The following PACRG variants were observed in gnomAD, a reference collection of about 807,000 sequenced individuals.
PACRG encodes the protein parkin coregulated gene protein.
In PACRG, 29 loss-of-function variants were observed where a neutral mutation model predicts 29.7. The ratio of observed to expected loss-of-function variants is 0.98; its 90% CI spans 0.73 to 1.33. PACRG has a LOEUF of 1.33. Among genes scored for constraint, PACRG ranks in the 40% most tolerant of loss-of-function variants. The pLI is 0.00. For synonymous variants in PACRG, 116 were observed against 118.7 expected, an observed-to-expected ratio of 0.98 and a Z score of 0.15; for missense variants, 279 against 316.2, an observed-to-expected ratio of 0.88 and a Z score of 0.89.
intron 2 of PACRG, among the ~76,000 whole-genome samples, chr6:162,880,146 G>A (rs1005565594): frequency 6.6e-6 from 1 of 152,208 alleles, no homozygotes; most frequent in Non-Finnish European, 1.5e-5. Context: ...AAAGAGGAAA[G>A]GTCTGATCTT....
intron 2 of PACRG, among the ~76,000 whole-genome samples, chr6:162,845,890 A>G (rs1351898407): frequency 1.3e-5 from 2 of 152,186 alleles, no homozygotes; most frequent in Non-Finnish European, 2.9e-5. Flanking sequence ...ATATCACCTT[A>G]TGATCATTTC....
intron 1 of PACRG, among the ~76,000 whole-genome samples, chr6:162,764,425 A>T (rs542311897): frequency 1.3e-5 from 2 of 152,310 alleles, no homozygotes; most frequent in Admixed American, 6.5e-5. Context: ...AATCAACACA[A>T]ATTTAAATGA....
intron 2 of PACRG, among the ~76,000 whole-genome samples, chr6:162,851,997 G>GAAGGAAGGAAGGA (rs1790913053): frequency 1.6e-5 from 1 of 60,914 alleles, no homozygotes; most frequent in Non-Finnish European, 3.5e-5. Context: ...GGGAGGGAGG[G>GAAGGAAGGAAGGA]AGGGAGGGAG....
chr6:163,159,558 A>G (rs1018210952), intron 4 of PACRG, among the ~76,000 whole-genome samples: 2 of 151,988 alleles, frequency 1.3e-5, no homozygotes, highest in Non-Finnish European at 2.9e-5. Context: ...TGTACTCACT[A>G]ATTTTTTTCT....
Position 163,112,038 on chromosome 6 carries a change from CA to C in PACRG, c.613+22633del, listed in dbSNP as rs144731025. On this transcript the variant is annotated intron_variant, in intron 4 of 4. Transcript: ENST00000366888. ...TTGCTTTATTTAGGTGACACTGTAC[CA>C]AATTATTAAATTCATTGAGGAATTT... 10,136 of 959,084 alleles carry C rather than the reference CA, an allele frequency of 0.011. 815 individuals are homozygous for C. The African/African-American group carries it at 0.16, about 16-fold the overall frequency. 59.4% of individuals were successfully genotyped at this position (959,084 alleles called of 1,614,324 possible). A position where few individuals can be genotyped will look rare whatever the true frequency, so the allele number is the denominator to read the frequency against.
At chr6:162,822,220 C>T (rs1454100050) in intron 2 of PACRG, among the ~76,000 whole-genome samples, 1 of 152,104 alleles carries the variant, frequency 6.6e-6, no homozygotes, top group Non-Finnish European at 1.5e-5. Flanking sequence ...AAGTTTTCAG[C>T]GGTCATTACT....
chr6:162,987,109 C>G, intron 2 of PACRG, among the ~76,000 whole-genome samples: 1 of 151,964 alleles, frequency 6.6e-6, no homozygotes, highest in Non-Finnish European at 1.5e-5. Context: ...GTCATATTAC[C>G]AGAATGTCTT....
At chr6:163,209,080 G>A (rs1562317284) in intron 4 of PACRG, among the ~76,000 whole-genome samples, 1 of 152,188 alleles carries the variant, frequency 6.6e-6, no homozygotes, top group Non-Finnish European at 1.5e-5. Context: ...ACTAAATAAG[G>A]TCGTGAGCAA....
intron 2 of PACRG, among the ~76,000 whole-genome samples, chr6:162,995,980 G>A (rs11963493): frequency 0.03 from 4,553 of 152,274 alleles, 253 homozygotes; most frequent in African/African-American, 0.1. Context: ...GCTGGATCAT[G>A]TGATGTTGGT....
chr6:163,077,503 G>A (rs1585158744), intron 3 of PACRG, among the ~76,000 whole-genome samples: 1 of 152,036 alleles, frequency 6.6e-6, no homozygotes, highest in South Asian at 2.1e-4. Context: ...AAACACCACC[G>A]AGTAAGAATG....
At chr6:163,234,953 A>G (rs6455880) in intron 4 of PACRG, among the ~76,000 whole-genome samples, 109,745 of 152,126 alleles carry the variant, frequency 0.72, 40,496 homozygotes, top group African/African-American at 0.88. Context: ...AATGTTGGTA[A>G]CGTTTTGGGT....
intron 4 of PACRG, among the ~76,000 whole-genome samples, chr6:163,155,510 G>T (rs531943011): frequency 1.3e-5 from 2 of 152,348 alleles, no homozygotes; most frequent in African/African-American, 4.8e-5. Flanking sequence ...ATTGGCTAAT[G>T]GTTAGAGGAT....
chr6:162,940,299 C>T (rs1413779942), intron 2 of PACRG, among the ~76,000 whole-genome samples: 1 of 151,888 alleles, frequency 6.6e-6, no homozygotes, highest in East Asian at 1.9e-4. Flanking sequence ...AGATTGAGGC[C>T]CCTCTTCTCC....
At chr6:163,212,015 A>G (rs1781163272) in intron 4 of PACRG, among the ~76,000 whole-genome samples, 1 of 152,198 alleles carries the variant, frequency 6.6e-6, no homozygotes, top group South Asian at 2.1e-4. Flanking sequence ...ATGGCCCTGC[A>G]AGTGGGATCA....
At chr6:162,819,171 G>GC (rs1447743542) in intron 2 of PACRG, among the ~76,000 whole-genome samples, 2 of 152,092 alleles carry the variant, frequency 1.3e-5, no homozygotes, top group East Asian at 3.9e-4. Flanking sequence ...ATACATATGA[G>GC]CAGGTATATG....
intron 2 of PACRG, among the ~76,000 whole-genome samples, chr6:163,025,540 C>T (rs576783069): frequency 8.5e-5 from 13 of 152,234 alleles, no homozygotes; most frequent in Middle Eastern, 3.4e-3. Context: ...CGAGGTGGGC[C>T]ATTCTTTGAT....
intron 2 of PACRG, among the ~76,000 whole-genome samples, chr6:162,910,708 T>G (rs1157180942): frequency 6.6e-6 from 1 of 152,228 alleles, no homozygotes; most frequent in East Asian, 1.9e-4. Context: ...TGTAGTTAAA[T>G]GGATTCTCTT....
At chr6:163,152,559 C>T (rs945807192) in intron 4 of PACRG, among the ~76,000 whole-genome samples, 1 of 152,194 alleles carries the variant, frequency 6.6e-6, no homozygotes, top group Non-Finnish European at 1.5e-5. Context: ...TAGGAAGGAC[C>T]TCAATGTATA....
chr6:163,293,079 G>T (rs565672110), intron 4 of PACRG, among the ~76,000 whole-genome samples: 1 of 152,136 alleles, frequency 6.6e-6, no homozygotes, highest in South Asian at 2.1e-4. Flanking sequence ...AAGATTTTTC[G>T]TGACTTTTCT....
Sources: gnomAD v4.1 joint callset for allele counts (sites outside exome capture counted in the v4.1 genomes callset) on GRCh38, gnomAD v4.1.1 for gene constraint, MANE v1.5 for transcripts, NCBI Gene and HGNC (gene_info 2026-07-23, HGNC 2026-07-21) for gene names.